The following OTUD7B variants were observed in gnomAD, a reference collection of about 807,000 sequenced individuals.
OTUD7B encodes the protein OTU domain-containing protein 7B.
Under a neutral mutation model 82.2 loss-of-function variants are expected in OTUD7B, and 34 were observed. That is an observed-to-expected ratio of 0.41 (90% CI 0.31 to 0.55). The LOEUF is 0.55. Among genes scored for constraint, OTUD7B ranks in the 20% least tolerant of loss-of-function variants. The pLI is 0.20. For synonymous variants in OTUD7B, 398 were observed against 402.7 expected (o/e 0.99, Z 0.14); for missense variants, 944 against 1,062.1 (o/e 0.89, Z 1.55).
chr1:149,990,805 A>T (rs1298911393), intron 1 of OTUD7B, among the ~76,000 whole-genome samples: 1 of 152,046 alleles, frequency 6.6e-6, no homozygotes, highest in African/African-American at 2.4e-5. Context: ...CGACCAGCCT[A>T]ACATAGTGAA....
At chr1:150,005,935 T>C (rs1652634509) in intron 1 of OTUD7B, among the ~76,000 whole-genome samples, 1 of 152,184 alleles carries the variant, frequency 6.6e-6, no homozygotes, top group Admixed American at 6.5e-5. Flanking sequence ...TCCATACAGA[T>C]TTTGAAAAGA....
chr1:150,015,125 A>G (rs1215857257), upstream of OTUD7B, among the ~76,000 whole-genome samples: 1 of 152,126 alleles, frequency 6.6e-6, no homozygotes, highest in Non-Finnish European at 1.5e-5. Flanking sequence ...TGAATGAATG[A>G]ATGAATTGGC....
At chr1:149,983,045 G>C (rs966432812) in intron 1 of OTUD7B, among the ~76,000 whole-genome samples, 1 of 151,574 alleles carries the variant, frequency 6.6e-6, no homozygotes, top group Non-Finnish European at 1.5e-5. Context: ...TTAGTAGAGA[G>C]GGGGTTTCAC....
the OTUD7B span, among the ~76,000 whole-genome samples, chr1:150,043,390 T>C: frequency 3.9e-5 from 6 of 152,132 alleles, no homozygotes; most frequent in Non-Finnish European, 8.8e-5. Flanking sequence ...TGGCAGAACA[T>C]GAGAGATGCC....
At chr1:149,978,393 G>A (rs1304826379) in intron 1 of OTUD7B, among the ~76,000 whole-genome samples, 2 of 152,094 alleles carry the variant, frequency 1.3e-5, no homozygotes, top group African/African-American at 4.8e-5. Context: ...TGTAATCCTA[G>A]CTACTCGGGA....
chr1:149,956,025 GCCCATTTAC>G (rs1648640612), intron 7 of OTUD7B, among the ~76,000 whole-genome samples: 1 of 152,010 alleles, frequency 6.6e-6, no homozygotes, highest in Admixed American at 6.6e-5. Context: ...GGAGCATTTA[GCCCATTTAC>G]ATTTAAGGTT....
At chr1:150,051,872 C>T in the OTUD7B span, among the ~76,000 whole-genome samples, 1 of 152,160 alleles carries the variant, frequency 6.6e-6, no homozygotes, top group African/African-American at 2.4e-5. Flanking sequence ...CAATATTAAA[C>T]AGTCTTTCTA....
At chr1:150,021,144 A>C in the OTUD7B span, among the ~76,000 whole-genome samples, 2 of 152,024 alleles carry the variant, frequency 1.3e-5, no homozygotes, top group Non-Finnish European at 2.9e-5. Flanking sequence ...AAACACACAC[A>C]CCCCTAACAA....
At chr1:150,062,777 C>G in the OTUD7B span, among the ~76,000 whole-genome samples, 1 of 142,402 alleles carries the variant, frequency 7.0e-6, no homozygotes, top group Non-Finnish European at 1.5e-5. Flanking sequence ...CAATGGCGCG[C>G]GATCTCGGCT....
intron 1 of OTUD7B, among the ~76,000 whole-genome samples, chr1:149,981,340 A>G (rs1301513403): frequency 2.6e-5 from 4 of 152,194 alleles, no homozygotes; most frequent in African/African-American, 9.6e-5. Context: ...CTTGGATACA[A>G]GGTCTGACAG....
chr1:149,954,967 A>G (rs587604602), intron 7 of OTUD7B, among the ~76,000 whole-genome samples: 52 of 151,852 alleles, frequency 3.4e-4, no homozygotes, highest in Middle Eastern at 3.4e-3. Context: ...CGGTCTATCA[A>G]ATTTTGTTGA....
the OTUD7B span, among the ~76,000 whole-genome samples, chr1:150,028,503 C>T: frequency 2.0e-5 from 3 of 152,056 alleles, no homozygotes; most frequent in African/African-American, 7.3e-5. Flanking sequence ...GTATTAAGCA[C>T]ATCAATATTG....
the OTUD7B span, among the ~76,000 whole-genome samples, chr1:150,050,934 G>GAAAGAA: frequency 2.1e-5 from 3 of 143,026 alleles, no homozygotes; most frequent in Admixed American, 2.1e-4. Context: ...AAAAAGAAAA[G>GAAAGAA]AAAGAAAAAA....
At chr1:150,025,871 G>A in the OTUD7B span, among the ~76,000 whole-genome samples, 1 of 152,146 alleles carries the variant, frequency 6.6e-6, no homozygotes, top group South Asian at 2.1e-4. Context: ...AAAGAGATGT[G>A]GTCAGGTGCT....
chr1:149,953,996 G>A (rs1264598266), intron 7 of OTUD7B, among the ~76,000 whole-genome samples: 3 of 152,118 alleles, frequency 2.0e-5, no homozygotes, highest in African/African-American at 4.8e-5. Flanking sequence ...CTGCAAACAG[G>A]GACAATTTGA....
intron 1 of OTUD7B, among the ~76,000 whole-genome samples, chr1:149,992,637 G>C (rs1182874564): frequency 6.6e-6 from 1 of 151,806 alleles, no homozygotes; most frequent in African/African-American, 2.4e-5. Context: ...CACCACACCT[G>C]GCTAATTTTT....
chr1:150,041,470 T>C, the OTUD7B span, among the ~76,000 whole-genome samples: 1 of 152,116 alleles, frequency 6.6e-6, no homozygotes, highest in Non-Finnish European at 1.5e-5. Flanking sequence ...GTAGCTGGGA[T>C]TACAGGCTCA....
intron 1 of OTUD7B, among the ~76,000 whole-genome samples, chr1:150,000,850 G>A (rs913169647): frequency 2.6e-5 from 4 of 151,968 alleles, no homozygotes; most frequent in Admixed American, 6.6e-5. Flanking sequence ...ACTGTGGCAC[G>A]CACCTGTAAT....
At chr1:149,989,133 T>C (rs1217037460) in intron 1 of OTUD7B, among the ~76,000 whole-genome samples, 2 of 152,192 alleles carry the variant, frequency 1.3e-5, no homozygotes, top group Non-Finnish European at 2.9e-5. Context: ...TTTCTTCTGG[T>C]AAATTAATTT....
Sources: allele counts gnomAD v4.1 joint callset (sites outside exome capture counted in the v4.1 genomes callset), GRCh38; gene constraint gnomAD v4.1.1; transcripts MANE v1.5; gene names NCBI Gene and HGNC (gene_info 2026-07-23, HGNC 2026-07-21).